CSTPP1: variants seen among roughly 807,000 people sequenced by gnomAD.
CSTPP1 encodes the protein centriolar satellite-associated tubulin polyglutamylase complex regulator 1.
the CSTPP1 span, among the ~76,000 whole-genome samples, chr11:47,018,287 CTTTTT>C: frequency 8.5e-5 from 7 of 82,220 alleles, no homozygotes; most frequent in Admixed American, 6.5e-4. Flanking sequence ...GTATGTTTAG[CTTTTT>C]TTTTTTTTTT....
chr11:47,139,592 T>A, the CSTPP1 span, among the ~76,000 whole-genome samples: 1 of 151,468 alleles, frequency 6.6e-6, no homozygotes, highest in Admixed American at 6.6e-5. Context: ...GAGAATCACT[T>A]GAACCTGGGA....
chr11:47,116,474 G>T, the CSTPP1 span, among the ~76,000 whole-genome samples: 1 of 152,074 alleles, frequency 6.6e-6, no homozygotes, highest in South Asian at 2.1e-4. Flanking sequence ...GGTCTCTAAG[G>T]ACTTGCTATA....
chr11:47,085,870 T>A, the CSTPP1 span, among the ~76,000 whole-genome samples: 878 of 148,434 alleles, frequency 5.9e-3, 11 homozygotes, highest in African/African-American at 0.021. Context: ...CGAGTGAAAC[T>A]CTGTCTCAAA....
the CSTPP1 span, among the ~76,000 whole-genome samples, chr11:47,010,167 T>A: frequency 1.3e-5 from 2 of 151,860 alleles, no homozygotes; most frequent in African/African-American, 4.8e-5. Flanking sequence ...GAAGAGAGAA[T>A]GGAACTCCGG....
the CSTPP1 span, among the ~76,000 whole-genome samples, chr11:47,152,482 G>A: frequency 6.6e-6 from 1 of 152,196 alleles, no homozygotes; most frequent in Non-Finnish European, 1.5e-5. Flanking sequence ...GGCTGAAAGA[G>A]GAAGATGCTA....
the CSTPP1 span, among the ~76,000 whole-genome samples, chr11:47,139,008 A>C: frequency 6.6e-6 from 1 of 150,494 alleles, no homozygotes; most frequent in Non-Finnish European, 1.5e-5. Context: ...AAAAAAAAAA[A>C]AAAACCTGAG....
At chr11:47,066,828 C>T in the CSTPP1 span, among the ~76,000 whole-genome samples, 1 of 152,094 alleles carries the variant, frequency 6.6e-6, no homozygotes, top group Non-Finnish European at 1.5e-5. Context: ...GGTAATCTTA[C>T]TTGTTGTTAT....
At chr11:47,029,859 A>C in the CSTPP1 span, among the ~76,000 whole-genome samples, 2 of 151,028 alleles carry the variant, frequency 1.3e-5, no homozygotes, top group African/African-American at 2.4e-5. Context: ...GCACTTTGGG[A>C]GGCCAAAACA....
the CSTPP1 span, among the ~76,000 whole-genome samples, chr11:47,013,788 G>A: frequency 1.3e-5 from 2 of 152,188 alleles, no homozygotes; most frequent in African/African-American, 4.8e-5. Context: ...GGTATTTCTG[G>A]TTCTAGGTCT....
the CSTPP1 span, among the ~76,000 whole-genome samples, chr11:47,034,845 C>CTTGG: frequency 6.6e-6 from 1 of 152,158 alleles, no homozygotes; most frequent in Non-Finnish European, 1.5e-5. Context: ...TTTGCTGCCT[C>CTTGG]TTGGTTGGCA....
At chr11:47,055,956 A>C in the CSTPP1 span, among the ~76,000 whole-genome samples, 1 of 152,210 alleles carries the variant, frequency 6.6e-6, no homozygotes, top group African/African-American at 2.4e-5. Context: ...GGGAACTGTG[A>C]GTATATAGGT....
At chr11:47,081,820 GT>G in the CSTPP1 span, among the ~76,000 whole-genome samples, 7 of 152,042 alleles carry the variant, frequency 4.6e-5, no homozygotes, top group African/African-American at 1.7e-4. Context: ...GCCAGCTACA[GT>G]GGCTCATACC....
the CSTPP1 span, among the ~76,000 whole-genome samples, chr11:47,008,637 A>G: frequency 6.6e-6 from 1 of 152,130 alleles, no homozygotes; most frequent in African/African-American, 2.4e-5. Context: ...CACTGTGCCT[A>G]GCCAATATCT....
At chr11:47,000,073 T>C in the CSTPP1 span, among the ~76,000 whole-genome samples, 3 of 152,222 alleles carry the variant, frequency 2.0e-5, no homozygotes, top group Non-Finnish European at 1.5e-5. Context: ...ATGTTGTATG[T>C]AACCTCTACC....
At chr11:47,122,824 C>T in the CSTPP1 span, among the ~76,000 whole-genome samples, 5 of 152,144 alleles carry the variant, frequency 3.3e-5, no homozygotes, top group Admixed American at 6.5e-5. Context: ...AGTGATCCAC[C>T]GGCCTCGGCC....
the CSTPP1 span, among the ~76,000 whole-genome samples, chr11:46,969,036 C>T: frequency 0.59 from 89,262 of 152,108 alleles, 30,165 homozygotes; most frequent in Non-Finnish European, 0.76. Context: ...TCCTCTAGAA[C>T]CACTGTTCGT....
At chr11:47,032,490 A>G in the CSTPP1 span, among the ~76,000 whole-genome samples, 1 of 152,182 alleles carries the variant, frequency 6.6e-6, no homozygotes, top group South Asian at 2.1e-4. Context: ...ACTAAAGAAA[A>G]TGGAAGCATC....
chr11:47,063,937 C>T, the CSTPP1 span, among the ~76,000 whole-genome samples: 1 of 152,162 alleles, frequency 6.6e-6, no homozygotes, highest in Non-Finnish European at 1.5e-5. Flanking sequence ...TTTACATTCT[C>T]ACCAGCAATG....
the CSTPP1 span, among the ~76,000 whole-genome samples, chr11:46,995,146 G>A: frequency 0.16 from 23,918 of 151,734 alleles, 6,319 homozygotes; most frequent in African/African-American, 0.55. Flanking sequence ...TTTTTATTGC[G>A]TCTATTTGAT....
Sources: allele counts gnomAD v4.1 joint callset (sites outside exome capture counted in the v4.1 genomes callset), GRCh38; gene constraint gnomAD v4.1.1; transcripts MANE v1.5; gene names NCBI Gene and HGNC (gene_info 2026-07-23, HGNC 2026-07-21).